The following RARG variants were observed in gnomAD, a reference collection of about 807,000 sequenced individuals.
RARG encodes the protein retinoic acid receptor gamma.
A neutral mutation model predicts 43.7 loss-of-function variants in RARG; 17 were observed. The ratio of observed to expected loss-of-function variants is 0.39; its 90% confidence interval spans 0.27 to 0.58. The LOEUF (loss-of-function observed/expected upper bound fraction) is 0.58. Among genes scored for constraint, RARG ranks in the 20% least tolerant of loss-of-function variants. RARG has a pLI of 0.57. For synonymous variants in RARG, 238 were observed against 236.4 expected (o/e 1.01, Z -0.06); for missense variants, 346 against 598.7 (o/e 0.58, Z 4.40).
rs1942657000 is a variant in RARG at position 53,213,233 on chromosome 12, G to A, written c.1029C>T (p.Asp343=). The part of the protein sequence containing the change: ...AICLICGDRM[D]LEEPEKVDKL... ...TGTCCACTTTTTCGGGCTCCTCCAG[G>A]TCCATGCGGTCTATGGGGACAAGTA... Residue 343 remains aspartate (D), a synonymous_variant, in exon 9 of 10, where the codon GAC becomes GAT. Coordinates refer to ENST00000425354, the MANE Select transcript of RARG (RefSeq NM_000966.6). This position sits in a 1 kb window ranked among gnomAD's most constrained non-coding sequence, Gnocchi z 4.7. 1 of 1,581,666 alleles carries A rather than the reference G, an allele frequency of 6.3e-7. No individual in the cohort carries two copies. The highest frequency in any genetic ancestry group is 8.7e-7 in the Non-Finnish European group (1 of 1,150,786).
chr12:53,215,961 A>AT lies in RARG; in HGVS notation c.185-168dup, dbSNP rs972865115. Reference sequence around the variant, plus strand: ...AGTAAGCACTGTCAGAATCCTCTTAATGACCACTATTACCACAGCTTGTTG... The same window carrying AT: ...AGTAAGCACTGTCAGAATCCTCTTAATTGACCACTATTACCACAGCTTGTTG... On this transcript the variant is annotated intron_variant, in intron 3 of 9. Coordinates refer to ENST00000425354, the MANE Select transcript of RARG (RefSeq NM_000966.6). The surrounding 1 kb of genome is among the most constrained non-coding windows in gnomAD (Gnocchi z 6.4). Among the ~76,000 whole-genome samples the AT allele has an allele frequency of 2.0e-5, 3 of 152,180 alleles. No homozygotes were observed. Among genetic ancestry groups the AT allele is most frequent in the Non-Finnish European group, 4.4e-5 (3 of 68,020 alleles).
chr12:53,215,306 G>A lies in RARG; in HGVS notation c.462C>T (p.Gly154=), dbSNP rs1488234219. The A allele has an allele frequency of 6.2e-7, 1 of 1,614,096 alleles. No individual in the cohort carries two copies. The highest frequency in any genetic ancestry group is 8.5e-7 in the Non-Finnish European group (1 of 1,179,976). Residue 154 remains glycine, a synonymous_variant, in exon 5 of 10, where the codon GGC becomes GGT. Transcript: ENST00000425354. The surrounding 1 kb of genome is among the most constrained non-coding windows in gnomAD (Gnocchi z 6.4). The part of the protein sequence containing the change: ...YCRLQKCFEV[G]MSKEAVRNDR... Reference sequence around the variant, plus strand: ...ATGGCAGCCTACCTTCCTTGGACATGCCCACTTCGAAGCACTTCTGTAGCC... The same window carrying A: ...ATGGCAGCCTACCTTCCTTGGACATACCCACTTCGAAGCACTTCTGTAGCC...
At chr12:53,219,995 C>G in intron 3 of RARG, 1 of 1,522,330 alleles carries the variant, frequency 6.6e-7, no homozygotes, top group Non-Finnish European at 8.8e-7. Flanking sequence ...TCAAGTCCGG[C>G]GAAACAGGAG....
At chr12:53,230,420 C>G (rs1943204646) in intron 2 of RARG, among the ~76,000 whole-genome samples, 1 of 152,008 alleles carries the variant, frequency 6.6e-6, no homozygotes, top group South Asian at 2.1e-4. Context: ...ACCCGCTGCC[C>G]CCCTCCCCTC....
chr12:53,212,690 A>T (rs1030438708), intron 9 of RARG, among the ~76,000 whole-genome samples: 4 of 152,006 alleles, frequency 2.6e-5, no homozygotes, highest in African/African-American at 4.8e-5. Context: ...AAACAAGATT[A>T]AAAAAGTAAA....
chr12:53,221,925 CG>C (rs1193186171), intron 3 of RARG, among the ~76,000 whole-genome samples: 2 of 151,350 alleles, frequency 1.3e-5, no homozygotes, highest in African/African-American at 4.9e-5. Flanking sequence ...GGGTGGGGGG[CG>C]CACTGGGGTG....
intron 3 of RARG, chr12:53,220,399 G>C: frequency 1.3e-5 from 2 of 154,428 alleles, no homozygotes; most frequent in African/African-American, 2.7e-5. Flanking sequence ...CTGGAGGGGT[G>C]GGGGGTGGGG....
At chr12:53,217,200 A>C (rs539842650) in intron 3 of RARG, among the ~76,000 whole-genome samples, 1 of 152,156 alleles carries the variant, frequency 6.6e-6, no homozygotes, top group South Asian at 2.1e-4. Flanking sequence ...AGATTACCCA[A>C]AGAAAAAGGA....
At position 53,213,033 on chromosome 12, in the gene RARG, G is replaced by C. The variant is rs975060255; in HGVS notation, c.1177+52C>G. The C allele has an allele frequency of 1.5e-4, 239 of 1,547,684 alleles. No homozygotes were observed. The highest frequency in any genetic ancestry group is 2.0e-4 in the Non-Finnish European group (229 of 1,139,452). ...TCTGTGTGTCCTCCTGTCCGACCTG[G>C]GAGACCAACAGCCCTGGGAAGACAG... On this transcript the variant is annotated intron_variant, in intron 9 of 9. Coordinates refer to ENST00000425354, the MANE Select transcript of RARG (RefSeq NM_000966.6). This position sits in a 1 kb window ranked among gnomAD's most constrained non-coding sequence, Gnocchi z 4.7.
Position 53,213,790 on chromosome 12 carries a change from A to G in RARG, c.814-90T>C. 7.4e-7 allele frequency: 1 copy of G among 1,345,750 alleles called. No individual in the cohort carries two copies. Among genetic ancestry groups the G allele is most frequent in the Non-Finnish European group, 1.0e-6 (1 of 960,228 alleles). 83.4% of individuals were successfully genotyped at this position (1,345,750 alleles called of 1,614,324 possible). ...TGGAAAGTGAGGAGGTTAGGTCCCC[A>G]GTGAGTGCAACCTGAAGCAGGCATG... On this transcript the variant is annotated intron_variant, in intron 7 of 9. Coordinates refer to ENST00000425354, the MANE Select transcript of RARG (RefSeq NM_000966.6). The surrounding 1 kb of genome is among the most constrained non-coding windows in gnomAD (Gnocchi z 4.7).
Position 53,213,674 on chromosome 12 carries a change from G to A in RARG, c.840C>T (p.Thr280=), listed in dbSNP as rs1244698843. ...ILMLRICTRY[T]PEQDTMTFSD... is the part of the protein sequence containing the mutation. ...AGAAGGTCATGGTGTCCTGCTCTGG[G>A]GTGTACCTTGTGCAGATACGCAGCA... The change falls in exon 8 of 10, where the codon ACC becomes ACT. Residue 280 remains threonine, a synonymous_variant. Transcript: ENST00000425354. This position sits in a 1 kb window ranked among gnomAD's most constrained non-coding sequence, Gnocchi z 4.7. 3.7e-6 allele frequency: 6 copies of A among 1,613,626 alleles called. No homozygotes were observed. The highest frequency in any genetic ancestry group is 5.1e-6 in the Non-Finnish European group (6 of 1,179,680).
At chr12:53,230,827 G>A (rs1943216343) in intron 2 of RARG, among the ~76,000 whole-genome samples, 1 of 149,686 alleles carries the variant, frequency 6.7e-6, no homozygotes, top group South Asian at 2.1e-4. Context: ...TAGGCTGTAG[G>A]CCACAGTGCG....
chr12:53,213,741 G>T lies in RARG; in HGVS notation c.814-41C>A, dbSNP rs758742142. 120 of 1,541,502 alleles carry T rather than the reference G, an allele frequency of 7.8e-5. No homozygotes were observed. In the East Asian group the frequency reaches 2.6e-3, roughly 33 times the overall value. On this transcript the variant is annotated intron_variant, in intron 7 of 9. Coordinates refer to ENST00000425354, the MANE Select transcript of RARG (RefSeq NM_000966.6). This position sits in a 1 kb window ranked among gnomAD's most constrained non-coding sequence, Gnocchi z 4.7. ...GGAGGAGGGTTAGTGCTGTTTCTGG[G>T]GGATGGGGAAAAGAGGGAATGAGTG...
chr12:53,217,768 G>T (rs764643878), intron 3 of RARG, among the ~76,000 whole-genome samples: 21 of 152,282 alleles, frequency 1.4e-4, no homozygotes, highest in Non-Finnish European at 2.6e-4. Context: ...TGGGCTCTGG[G>T]GTTTTCTCCT....
intron 3 of RARG, among the ~76,000 whole-genome samples, chr12:53,221,810 G>C (rs1047475770): frequency 3.3e-5 from 5 of 150,148 alleles, no homozygotes; most frequent in African/African-American, 4.9e-5. Flanking sequence ...CCGCTCACAC[G>C]GGCAGCGCCG....
chr12:53,214,390 C>A lies in RARG; in HGVS notation c.636+56G>T. ...ATGATAGCCTCCAACACAACCCAGC[C>A]CCATTCCCCAAAGTGAAGAGTGCCC... is the stretch of plus-strand genomic sequence containing the variant. On this transcript the variant is annotated intron_variant, in intron 6 of 9. Transcript: ENST00000425354. 3.2e-6 allele frequency: 5 copies of A among 1,586,538 alleles called. No individual in the cohort carries two copies. In the South Asian group the frequency reaches 5.6e-5, roughly 18 times the overall value.
chr12:53,217,420 C>T (rs533090943), intron 3 of RARG, among the ~76,000 whole-genome samples: 1 of 152,324 alleles, frequency 6.6e-6, no homozygotes, highest in African/African-American at 2.4e-5. Flanking sequence ...GCACTGACGC[C>T]CTCCCTGCCC....
intron 5 of RARG, 47 bp from the exon 6 acceptor site, chr12:53,214,653 C>T: frequency 1.3e-6 from 2 of 1,539,650 alleles, no homozygotes; most frequent in Non-Finnish European, 1.8e-6. Context: ...TCAGAGCCTC[C>T]CTTTGGGTGT....
chr12:53,212,531 A>G (rs1287865208), intron 9 of RARG, among the ~76,000 whole-genome samples: 3 of 152,148 alleles, frequency 2.0e-5, no homozygotes, highest in Non-Finnish European at 2.9e-5. Context: ...GCAGCTTCCA[A>G]CTTCTGGCCT....
Sources: gnomAD v4.1 joint callset for allele counts (sites outside exome capture counted in the v4.1 genomes callset) on GRCh38, gnomAD v4.1.1 for gene constraint, Gnocchi (gnomAD v3.1) non-coding constraint, MANE v1.5 for transcripts, NCBI Gene and HGNC (gene_info 2026-07-23, HGNC 2026-07-21) for gene names.